Variants in PDE1A observed in about 807,000 individuals in gnomAD.
The protein encoded by PDE1A is phosphodiesterase 1A.
Under a neutral mutation model 61.7 loss-of-function variants are expected in PDE1A, and 35 were observed. The observed-to-expected ratio is 0.57, with a 90% CI of 0.43 to 0.75. The LOEUF (loss-of-function observed/expected upper bound fraction) is 0.75, where lower values mean the gene tolerates loss of function less well. Ranked by LOEUF, PDE1A falls within the 30% of genes least tolerant of loss-of-function variation. The probability of loss-of-function intolerance (pLI) is 0.00; values close to 1 mark genes in which losing one functional copy is unlikely to be tolerated. For synonymous variants in PDE1A, 232 were observed against 213.2 expected, an observed-to-expected ratio of 1.09 and a Z score of -0.77; for missense variants, 597 against 630.6, an observed-to-expected ratio of 0.95 and a Z score of 0.57.
chr2:182,364,944 C>T (rs1559379820), intron 1 of PDE1A, among the ~76,000 whole-genome samples: 1 of 152,012 alleles, frequency 6.6e-6, no homozygotes, highest in Non-Finnish European at 1.5e-5. Context: ...ACATCTGCTG[C>T]TCTAACCCTT....
chr2:182,635,698 C>CTCTCTCCTA, the PDE1A span, among the ~76,000 whole-genome samples: 1 of 147,514 alleles, frequency 6.8e-6, no homozygotes, highest in Non-Finnish European at 1.5e-5. Flanking sequence ...CTCTCTCTCT[C>CTCTCTCCTA]TCCACATATG....
At chr2:182,586,701 G>A in the PDE1A span, among the ~76,000 whole-genome samples, 2 of 152,024 alleles carry the variant, frequency 1.3e-5, no homozygotes, top group African/African-American at 4.8e-5. Context: ...AATCAAAAAC[G>A]TCTTCAGACA....
intron 2 of PDE1A, among the ~76,000 whole-genome samples, chr2:182,463,273 A>G (rs1273157726): frequency 6.6e-6 from 1 of 151,372 alleles, no homozygotes; most frequent in African/African-American, 2.4e-5. Context: ...ATAAAATAAT[A>G]AAAATAAAAA....
At chr2:182,674,304 T>TGCCCATAGTGCCTTCTGTTAGG in the PDE1A span, among the ~76,000 whole-genome samples, 1 of 152,060 alleles carries the variant, frequency 6.6e-6, no homozygotes, top group Non-Finnish European at 1.5e-5. Context: ...TTTATTAAAA[T>TGCCCATAGTGCCTTCTGTTAGG]GCCCATAGTG....
At chr2:182,267,757 T>A (rs1013450766) in intron 1 of PDE1A, among the ~76,000 whole-genome samples, 1 of 152,016 alleles carries the variant, frequency 6.6e-6, no homozygotes, top group African/African-American at 2.4e-5. Flanking sequence ...TCCTCAACAA[T>A]CTTATTTCGG....
At chr2:182,445,443 A>G (rs1009999467) in intron 2 of PDE1A, among the ~76,000 whole-genome samples, 1 of 152,112 alleles carries the variant, frequency 6.6e-6, no homozygotes. Flanking sequence ...TCTAAACAGA[A>G]TTATTTTTTC....
chr2:182,250,362 T>A (rs1408817767), intron 2 of PDE1A, among the ~76,000 whole-genome samples: 4 of 152,192 alleles, frequency 2.6e-5, no homozygotes, highest in Non-Finnish European at 4.4e-5. Flanking sequence ...CACTTTGAAG[T>A]ACAATAAATT....
the PDE1A span, among the ~76,000 whole-genome samples, chr2:182,654,900 T>G: frequency 6.6e-6 from 1 of 152,162 alleles, no homozygotes; most frequent in South Asian, 2.1e-4. Flanking sequence ...GGGAACACCA[T>G]GATGTATGAA....
the PDE1A span, among the ~76,000 whole-genome samples, chr2:182,715,241 T>C: frequency 3.9e-5 from 6 of 152,138 alleles, no homozygotes; most frequent in Non-Finnish European, 7.4e-5. Flanking sequence ...AAATGGGAAA[T>C]AGATATAGGA....
chr2:182,413,755 T>C (rs1262037439), intron 1 of PDE1A, among the ~76,000 whole-genome samples: 1 of 152,190 alleles, frequency 6.6e-6, no homozygotes, highest in African/African-American at 2.4e-5. Flanking sequence ...ACACTTAACA[T>C]AAACGTTATA....
At chr2:182,187,705 T>C (rs1458112761) in intron 11 of PDE1A, among the ~76,000 whole-genome samples, 1 of 151,604 alleles carries the variant, frequency 6.6e-6, no homozygotes, top group Non-Finnish European at 1.5e-5. Flanking sequence ...CCACCTAGGG[T>C]ACTATTTTAA....
At chr2:182,266,059 G>GA (rs1290434772) in intron 1 of PDE1A, among the ~76,000 whole-genome samples, 4 of 151,504 alleles carry the variant, frequency 2.6e-5, no homozygotes, top group Non-Finnish European at 5.9e-5. Context: ...TTCTCTATGG[G>GA]AAAAAAAAGA....
chr2:182,240,036 A>C, intron 3 of PDE1A, 74 bp downstream of exon 3: 1 of 1,347,378 alleles, frequency 7.4e-7, no homozygotes, highest in Non-Finnish European at 1.0e-6. Flanking sequence ...TAGACTGCTC[A>C]TACCCTTGAA....
intron 2 of PDE1A, among the ~76,000 whole-genome samples, chr2:182,432,946 T>A (rs1438785576): frequency 6.6e-6 from 1 of 152,084 alleles, no homozygotes; most frequent in African/African-American, 2.4e-5. Flanking sequence ...TGGTCATTTG[T>A]CATGGATTGA....
At position 182,364,677 on chromosome 2, in the gene PDE1A, T is replaced by C. The variant is rs1448172492; in HGVS notation, c.53+61901A>G. On this transcript the variant is annotated intron_variant, in intron 1 of 13. Coordinates refer to ENST00000351439, the Ensembl canonical transcript of PDE1A. ...GTAACAAATAAAGATATAGTTTAAT[T>C]TTTATACTTCCTGATGGAGAACTTT... Among the ~76,000 whole-genome samples, 11 of 151,674 alleles carry C rather than the reference T, an allele frequency of 7.3e-5. No homozygotes were observed. The East Asian group carries it at 2.1e-3, about 29-fold the overall frequency.
chr2:182,613,497 A>G, the PDE1A span, among the ~76,000 whole-genome samples: 1 of 151,574 alleles, frequency 6.6e-6, no homozygotes, highest in African/African-American at 2.4e-5. Flanking sequence ...TAGGAGGCAG[A>G]GCTTGCAGTT....
intron 2 of PDE1A, among the ~76,000 whole-genome samples, chr2:182,503,040 T>C (rs966406741): frequency 1.0e-5 from 1 of 96,924 alleles, no homozygotes; most frequent in Non-Finnish European, 2.2e-5. Flanking sequence ...CATTCTTTCT[T>C]ACACACACAC....
chr2:182,709,847 T>C, the PDE1A span, among the ~76,000 whole-genome samples: 2 of 152,222 alleles, frequency 1.3e-5, no homozygotes, highest in Non-Finnish European at 2.9e-5. Flanking sequence ...CTCTTCCCCA[T>C]CATGACCAAT....
chr2:182,514,311 C>T (rs1384630955), intron 2 of PDE1A, among the ~76,000 whole-genome samples: 2 of 152,128 alleles, frequency 1.3e-5, no homozygotes, highest in Non-Finnish European at 2.9e-5. Context: ...AAATTTTTCA[C>T]AGAATTAGAA....
Sources: gnomAD v4.1 joint callset for allele counts (sites outside exome capture counted in the v4.1 genomes callset) on GRCh38, gnomAD v4.1.1 for gene constraint, MANE v1.5 for transcripts, NCBI Gene and HGNC (gene_info 2026-07-23, HGNC 2026-07-21) for gene names.